The following YAP1 variants were observed in gnomAD, a reference collection of about 807,000 sequenced individuals.
YAP1 encodes the protein transcriptional coactivator YAP1.
In YAP1, 5 loss-of-function variants were observed where a neutral mutation model predicts 56.9. The observed-to-expected ratio is 0.09, with a 90% CI of 0.05 to 0.18. The LOEUF (loss-of-function observed/expected upper bound fraction) is 0.18, where lower values mean the gene tolerates loss of function less well. Ranked by LOEUF, YAP1 falls within the 10% of genes least tolerant of loss-of-function variation. YAP1 has a pLI of 1.00. For synonymous variants in YAP1, 265 were observed against 248.1 expected (o/e 1.07, Z -0.64); for missense variants, 539 against 651.8 (o/e 0.83, Z 1.88).
intron 2 of YAP1, among the ~76,000 whole-genome samples, chr11:102,133,695 A>G (rs1365108897): frequency 2.6e-5 from 4 of 152,228 alleles, no homozygotes; most frequent in African/African-American, 7.2e-5. Flanking sequence ...TTAGATGACA[A>G]TAGCATATTA....
At chr11:102,209,017 C>A (rs1300692763) in intron 5 of YAP1, among the ~76,000 whole-genome samples, 10 of 152,138 alleles carry the variant, frequency 6.6e-5, no homozygotes, top group Admixed American at 6.5e-5. Flanking sequence ...AAGGTAACTT[C>A]TTTGTTTCAT....
At chr11:102,171,578 C>G (rs1169365338) in intron 3 of YAP1, among the ~76,000 whole-genome samples, 1 of 152,130 alleles carries the variant, frequency 6.6e-6, no homozygotes, top group East Asian at 1.9e-4. Context: ...AATAAATAAA[C>G]TTAGTAAACT....
intron 2 of YAP1, among the ~76,000 whole-genome samples, chr11:102,155,711 A>T (rs889034835): frequency 6.6e-6 from 1 of 152,168 alleles, no homozygotes; most frequent in African/African-American, 2.4e-5. Context: ...CCTCGCTGTT[A>T]GACTTGTGTT....
Position 102,126,212 on chromosome 11 carries a change from G to A in YAP1, c.572+11818G>A, listed in dbSNP as rs11225144. The stretch of plus-strand genomic sequence containing the variant: ...AGTTTATAATTACAGGTTGACTATA[G>A]GAAGTTGCCAATTTTCTAAGCCCAA... On this transcript the variant is annotated intron_variant, in intron 2 of 8. Coordinates refer to ENST00000282441, the MANE Select transcript of YAP1 (RefSeq NM_001130145.3). 0.01 allele frequency among the ~76,000 whole-genome samples: 1,575 copies of A among 152,224 alleles called. 132 individuals are homozygous for A. In the East Asian group the frequency reaches 0.21, roughly 21 times the overall value.
intron 3 of YAP1, among the ~76,000 whole-genome samples, chr11:102,179,135 A>G (rs963178022): frequency 2.7e-5 from 4 of 147,008 alleles, no homozygotes; most frequent in Non-Finnish European, 3.0e-5. Flanking sequence ...GGGGACAAAC[A>G]TCCAAACCAT....
intron 3 of YAP1, among the ~76,000 whole-genome samples, chr11:102,183,214 T>C (rs1325058205): frequency 4.6e-5 from 7 of 152,140 alleles, no homozygotes; most frequent in African/African-American, 1.7e-4. Flanking sequence ...ACTAAGAGTT[T>C]AGGAGGTAGG....
chr11:102,161,216 C>A (rs999409688), intron 2 of YAP1, among the ~76,000 whole-genome samples: 1 of 151,520 alleles, frequency 6.6e-6, no homozygotes, highest in Non-Finnish European at 1.5e-5. Context: ...CGCCCGCCAC[C>A]ACGCCTGGCT....
chr11:102,211,166 C>T (rs1949386873), intron 6 of YAP1, among the ~76,000 whole-genome samples: 2 of 152,004 alleles, frequency 1.3e-5, no homozygotes, highest in Admixed American at 6.6e-5. Context: ...TCCTCCATGC[C>T]AAAAAAATGT....
intron 2 of YAP1, among the ~76,000 whole-genome samples, chr11:102,155,841 T>C (rs1379212018): frequency 6.6e-6 from 1 of 152,214 alleles, no homozygotes; most frequent in African/African-American, 2.4e-5. Flanking sequence ...CTCACTGTAG[T>C]CGTATGAGCC....
In YAP1 at chr11:102,228,721, G is replaced by C. The variant is rs184143992; in HGVS notation, c.1277-981G>C. On this transcript the variant is annotated intron_variant, in intron 8 of 8. Coordinates refer to ENST00000282441, the MANE Select transcript of YAP1 (RefSeq NM_001130145.3). ...TACCTGCCTCACAGGGGTAATTACG[G>C]AAGCATTTCTCCTGTGGCTTACCTG... 1.0e-3 allele frequency among the ~76,000 whole-genome samples: 151 copies of C among 151,682 alleles called. 2 individuals are homozygous for C. The highest frequency in any genetic ancestry group is 9.6e-3 in the Admixed American group (146 of 15,204).
intron 4 of YAP1, among the ~76,000 whole-genome samples, chr11:102,186,864 T>G (rs1394683558): frequency 9.9e-6 from 1 of 100,712 alleles, no homozygotes; most frequent in Non-Finnish European, 2.3e-5. Flanking sequence ...CTGTTTTCAG[T>G]TTTTCATTTG....
chr11:102,188,137 AG>A (rs1948080753), intron 4 of YAP1, among the ~76,000 whole-genome samples: 1 of 152,218 alleles, frequency 6.6e-6, no homozygotes, highest in Non-Finnish European at 1.5e-5. Context: ...AGTTCTGCAT[AG>A]TGGATTATGT....
chr11:102,143,432 AC>A (rs1410896176), intron 2 of YAP1, among the ~76,000 whole-genome samples: 1 of 152,192 alleles, frequency 6.6e-6, no homozygotes, highest in Admixed American at 6.5e-5. Flanking sequence ...ATTGGCATAT[AC>A]TTTTTCATAT....
At chr11:102,135,998 A>G (rs1565444456) in intron 2 of YAP1, among the ~76,000 whole-genome samples, 1 of 152,188 alleles carries the variant, frequency 6.6e-6, no homozygotes, top group African/African-American at 2.4e-5. Flanking sequence ...GCTGCAGTGA[A>G]CATTCATGTG....
chr11:102,135,597 C>A (rs1944630018), intron 2 of YAP1, among the ~76,000 whole-genome samples: 1 of 152,154 alleles, frequency 6.6e-6, no homozygotes, highest in South Asian at 2.1e-4. Flanking sequence ...GAGGCAGCCT[C>A]AAGAGGCTTG....
chr11:102,197,631 A>G (rs1010504062), intron 4 of YAP1, among the ~76,000 whole-genome samples: 3 of 152,220 alleles, frequency 2.0e-5, no homozygotes, highest in African/African-American at 7.2e-5. Context: ...TTGTTAAGCA[A>G]AACTTGAAAC....
At chr11:102,133,532 A>C (rs1944497207) in intron 2 of YAP1, among the ~76,000 whole-genome samples, 4 of 152,188 alleles carry the variant, frequency 2.6e-5, no homozygotes, top group Admixed American at 2.6e-4. Context: ...CCAAGGCCCA[A>C]GTGATCTGCC....
At chr11:102,115,447 T>C (rs564805672) in intron 2 of YAP1, among the ~76,000 whole-genome samples, 214 of 152,298 alleles carry the variant, frequency 1.4e-3, no homozygotes, top group African/African-American at 5.0e-3. Context: ...TGTTTTATAT[T>C]GATTGTCTTC....
At position 102,156,830 on chromosome 11, in the gene YAP1, T is replaced by C. The variant is rs553580506; in HGVS notation, c.573-5626T>C. ...GCTTTGGCATTATTCTCATGGCTGG[T>C]CCATCCTCACCCTTTCCTTAGGGAA... is the stretch of plus-strand genomic sequence containing the variant. On this transcript the variant is annotated intron_variant, in intron 2 of 8. Transcript: ENST00000282441. 1.7e-3 allele frequency among the ~76,000 whole-genome samples: 252 copies of C among 152,352 alleles called. 1 individual carries two copies. The Middle Eastern group carries it at 0.017, about 10-fold the overall frequency.
Sources: gnomAD v4.1 joint callset for allele counts (sites outside exome capture counted in the v4.1 genomes callset) on GRCh38, gnomAD v4.1.1 for gene constraint, MANE v1.5 for transcripts, NCBI Gene and HGNC (gene_info 2026-07-23, HGNC 2026-07-21) for gene names.